The following ANKS1B variants were observed in gnomAD, a reference collection of about 807,000 sequenced individuals.
ANKS1B encodes ankyrin repeat and sterile alpha motif domain containing 1B.
In ANKS1B, 36 loss-of-function variants were observed where a neutral mutation model predicts 148.3. That is an observed-to-expected ratio of 0.24 (90% CI 0.19 to 0.32). ANKS1B has a LOEUF of 0.32. ANKS1B is among the 10% of genes least tolerant of loss of function. The probability of loss-of-function intolerance (pLI) is 1.00; values close to 1 mark genes in which losing one functional copy is unlikely to be tolerated. For missense variants in ANKS1B, 1,157 were observed against 1,542.6 expected (o/e 0.75, Z 4.19); for synonymous variants, 542 against 560.8 (o/e 0.97, Z 0.47).
intron 4 of ANKS1B, among the ~76,000 whole-genome samples, chr12:99,794,653 T>C (rs1042084426): frequency 1.3e-5 from 2 of 151,626 alleles, no homozygotes; most frequent in Non-Finnish European, 2.9e-5. Context: ...ATCAAAACAA[T>C]TGAACTCACA....
intron 17 of ANKS1B, among the ~76,000 whole-genome samples, chr12:98,991,306 G>A (rs1247511535): frequency 1.3e-5 from 2 of 152,164 alleles, no homozygotes; most frequent in African/African-American, 4.8e-5. Context: ...ATGTCCTTTG[G>A]ATGTGCTGTT....
chr12:99,812,012 A>T, intron 3 of ANKS1B, 143 bp downstream of exon 3: 1 of 964,734 alleles, frequency 1.0e-6, no homozygotes, highest in Non-Finnish European at 1.5e-6. Flanking sequence ...ACACCAAAGA[A>T]TTTTTCAAAT....
intron 1 of ANKS1B, among the ~76,000 whole-genome samples, chr12:99,858,383 G>A (rs551604031): frequency 1.3e-5 from 2 of 152,190 alleles, no homozygotes; most frequent in Admixed American, 1.3e-4. Context: ...AATAGATGGT[G>A]GTGTGGATGT....
intron 1 of ANKS1B, among the ~76,000 whole-genome samples, chr12:99,872,178 C>A (rs983627848): frequency 6.6e-6 from 1 of 151,990 alleles, no homozygotes; most frequent in African/African-American, 2.4e-5. Flanking sequence ...TTTTTACAGC[C>A]ACTCTGGAAA....
At chr12:99,141,350 C>T (rs574529547) in intron 15 of ANKS1B, among the ~76,000 whole-genome samples, 1 of 151,964 alleles carries the variant, frequency 6.6e-6, no homozygotes, top group African/African-American at 2.4e-5. Flanking sequence ...TTGTTAAGTT[C>T]TCCAGGAGCC....
intron 16 of ANKS1B, among the ~76,000 whole-genome samples, chr12:99,062,473 C>T (rs1019697577): frequency 6.6e-6 from 1 of 151,700 alleles, no homozygotes; most frequent in African/African-American, 2.4e-5. Flanking sequence ...ACTCAGGAGA[C>T]CAAAGAAGGA....
rs138860258 is a variant in ANKS1B, at chr12:99,246,981, A to G, written c.1757-117T>C. 9 of 782,640 alleles carry G rather than the reference A, an allele frequency of 1.1e-5. No individual in the cohort carries two copies. The East Asian group carries it at 2.0e-4, about 17-fold the overall frequency. 48.5% of individuals were successfully genotyped at this position (782,640 alleles called of 1,614,324 possible). On this transcript the variant is annotated intron_variant, in intron 12 of 26. Transcript: ENST00000683438. ...AACATTTCATTTACTGCTACATAGCAATACCTTCACTTTATGAAATACCCC... is the reference window on the plus strand; with the variant it reads ...AACATTTCATTTACTGCTACATAGCGATACCTTCACTTTATGAAATACCCC...
intron 8 of ANKS1B, among the ~76,000 whole-genome samples, chr12:99,662,018 T>A (rs1052044815): frequency 6.6e-6 from 1 of 152,184 alleles, no homozygotes; most frequent in Admixed American, 6.5e-5. Flanking sequence ...AATAGAAGAA[T>A]CCTGGGTTCC....
At chr12:99,385,861 A>C (rs1235056503) in intron 12 of ANKS1B, among the ~76,000 whole-genome samples, 1 of 152,236 alleles carries the variant, frequency 6.6e-6, no homozygotes, top group Admixed American at 6.5e-5. Flanking sequence ...ATATATTAAA[A>C]ATACTTTGAA....
intron 8 of ANKS1B, 72 bp downstream of exon 8, chr12:99,772,850 A>G: frequency 7.0e-7 from 1 of 1,427,602 alleles, no homozygotes; most frequent in Non-Finnish European, 9.4e-7. Context: ...ACCACATCCC[A>G]TACCTCTTAA....
At chr12:99,511,142 T>C (rs1254195442) in intron 9 of ANKS1B, among the ~76,000 whole-genome samples, 1 of 152,016 alleles carries the variant, frequency 6.6e-6, no homozygotes, top group Non-Finnish European at 1.5e-5. Flanking sequence ...CCATTCAGTA[T>C]GATGTTGGCT....
At chr12:98,927,359 G>A (rs904743661) in intron 17 of ANKS1B, among the ~76,000 whole-genome samples, 38 of 152,026 alleles carry the variant, frequency 2.5e-4, no homozygotes, top group Admixed American at 1.0e-3. Flanking sequence ...GAAACCTTCC[G>A]GGGGAAATGA....
At chr12:98,852,133 C>G (rs889412442) in intron 17 of ANKS1B, among the ~76,000 whole-genome samples, 6 of 150,276 alleles carry the variant, frequency 4.0e-5, no homozygotes, top group Admixed American at 2.7e-4. Flanking sequence ...AGTGGGGAGG[C>G]ACTGTCCACA....
At chr12:99,068,084 C>A (rs1363753725) in intron 16 of ANKS1B, among the ~76,000 whole-genome samples, 1 of 151,956 alleles carries the variant, frequency 6.6e-6, no homozygotes, top group Non-Finnish European at 1.5e-5. Flanking sequence ...TGTATAACAT[C>A]ATTCTAGATA....
intron 12 of ANKS1B, among the ~76,000 whole-genome samples, chr12:99,395,049 T>C (rs2094200494): frequency 2.0e-5 from 3 of 152,194 alleles, no homozygotes; most frequent in Admixed American, 1.3e-4. Flanking sequence ...CACTCCACCA[T>C]GAAATTCCAT....
chr12:98,735,375 A>G (rs1430713455), exon 10 of ANKS1B: 1 of 431,010 alleles, frequency 2.3e-6, no homozygotes, highest in Non-Finnish European at 4.1e-6. Context: ...ATACATTTTA[A>G]AATATGAATT....
intron 17 of ANKS1B, among the ~76,000 whole-genome samples, chr12:98,878,556 A>G (rs2099697925): frequency 6.6e-6 from 1 of 152,168 alleles, no homozygotes; most frequent in South Asian, 2.1e-4. Context: ...TGTTTGTTCA[A>G]TTCCTAACAG....
chr12:98,879,951 AAAGGAGTTGATT>A (rs1481424404), intron 17 of ANKS1B, among the ~76,000 whole-genome samples: 3 of 152,228 alleles, frequency 2.0e-5, no homozygotes, highest in Non-Finnish European at 4.4e-5. Context: ...AATAAACAAA[AAAGGAGTTGATT>A]ACTGAGATTC....
intron 4 of ANKS1B, among the ~76,000 whole-genome samples, chr12:99,787,748 C>T (rs1443698920): frequency 6.6e-6 from 1 of 152,224 alleles, no homozygotes; most frequent in South Asian, 2.1e-4. Context: ...TCTTGAATCA[C>T]GGGCGCTGCC....
Sources: allele counts gnomAD v4.1 joint callset (sites outside exome capture counted in the v4.1 genomes callset), GRCh38; gene constraint gnomAD v4.1.1; transcripts MANE v1.5; gene names NCBI Gene and HGNC (gene_info 2026-07-23, HGNC 2026-07-21).